The following ABTB3 variants were observed in gnomAD, a reference collection of about 807,000 sequenced individuals.
ABTB3 encodes ankyrin repeat- and BTB/POZ domain-containing protein 3.
the ABTB3 span, among the ~76,000 whole-genome samples, chr12:107,373,323 GGGT>G: frequency 6.6e-6 from 1 of 152,116 alleles, no homozygotes; most frequent in Non-Finnish European, 1.5e-5. Context: ...TGTTTCAGCT[GGGT>G]GGTGCCTGTA....
chr12:107,411,734 G>A, the ABTB3 span, among the ~76,000 whole-genome samples: 83 of 152,222 alleles, frequency 5.5e-4, no homozygotes, highest in East Asian at 8.3e-3. Flanking sequence ...CACTTCCCTC[G>A]TCTTGCAGGA....
chr12:107,573,783 A>C, the ABTB3 span, among the ~76,000 whole-genome samples: 1 of 152,190 alleles, frequency 6.6e-6, no homozygotes, highest in African/African-American at 2.4e-5. Flanking sequence ...GGGAAAAATC[A>C]GTTTTTTTCT....
At chr12:107,379,395 G>A in the ABTB3 span, among the ~76,000 whole-genome samples, 1 of 152,066 alleles carries the variant, frequency 6.6e-6, no homozygotes, top group Non-Finnish European at 1.5e-5. Flanking sequence ...TGCTGTTCTT[G>A]TGATAGAGAA....
the ABTB3 span, among the ~76,000 whole-genome samples, chr12:107,435,563 G>A: frequency 0.023 from 3,525 of 152,348 alleles, 140 homozygotes; most frequent in African/African-American, 0.081. Flanking sequence ...AGTTGGTGCA[G>A]GGCCTGGCAC....
the ABTB3 span, among the ~76,000 whole-genome samples, chr12:107,417,098 A>G: frequency 2.0e-5 from 3 of 152,232 alleles, no homozygotes; most frequent in East Asian, 1.9e-4. Context: ...TTCTTCTTTC[A>G]TATCCTGTTA....
the ABTB3 span, among the ~76,000 whole-genome samples, chr12:107,456,772 C>T: frequency 1.3e-5 from 2 of 152,128 alleles, no homozygotes; most frequent in East Asian, 1.9e-4. Context: ...CAAGGTCACA[C>T]AGCTAGGAGG....
chr12:107,588,003 A>G, the ABTB3 span, among the ~76,000 whole-genome samples: 2 of 152,130 alleles, frequency 1.3e-5, no homozygotes, highest in Non-Finnish European at 2.9e-5. Context: ...CTCCCTCTAA[A>G]GTCAAGGATC....
chr12:107,435,446 A>G, the ABTB3 span, among the ~76,000 whole-genome samples: 1 of 152,218 alleles, frequency 6.6e-6, no homozygotes, highest in Non-Finnish European at 1.5e-5. Context: ...TTTTGAAATG[A>G]TCTTTATTCA....
the ABTB3 span, among the ~76,000 whole-genome samples, chr12:107,343,180 GT>G: frequency 2.8e-4 from 43 of 151,878 alleles, 1 homozygote; most frequent in East Asian, 6.6e-3. Flanking sequence ...ACACCTGGCT[GT>G]TTTTTTGGTT....
chr12:107,648,411 C>CACACACACACACACACAA, the ABTB3 span, among the ~76,000 whole-genome samples: 1 of 150,802 alleles, frequency 6.6e-6, no homozygotes, highest in East Asian at 1.9e-4. Context: ...CACACACACA[C>CACACACACACACACACAA]ACAAAGACAA....
At chr12:107,527,496 T>C in the ABTB3 span, among the ~76,000 whole-genome samples, 3 of 152,172 alleles carry the variant, frequency 2.0e-5, no homozygotes, top group South Asian at 6.2e-4. Flanking sequence ...GATCTCAAAC[T>C]CTTGAGCTCG....
At chr12:107,426,183 G>T in the ABTB3 span, among the ~76,000 whole-genome samples, 1 of 152,278 alleles carries the variant, frequency 6.6e-6, no homozygotes, top group African/African-American at 2.4e-5. Context: ...GCGGTGCCGT[G>T]TCCCTCTTTT....
chr12:107,581,425 G>T, the ABTB3 span: 1 of 789,064 alleles, frequency 1.3e-6, no homozygotes, highest in Non-Finnish European at 1.7e-6. Context: ...CGGCGCTGGG[G>T]TGGAGGCTCC....
the ABTB3 span, among the ~76,000 whole-genome samples, chr12:107,353,558 T>G: frequency 1.3e-5 from 2 of 152,194 alleles, no homozygotes; most frequent in Non-Finnish European, 1.5e-5. Flanking sequence ...ACTTAAAAGG[T>G]TTGCTTAAAG....
chr12:107,495,074 C>T, the ABTB3 span, among the ~76,000 whole-genome samples: 2 of 152,306 alleles, frequency 1.3e-5, no homozygotes, highest in East Asian at 3.9e-4. Flanking sequence ...GGACGCCCAG[C>T]GCCCAAGGAG....
At chr12:107,323,755 G>A in the ABTB3 span, among the ~76,000 whole-genome samples, 1 of 152,132 alleles carries the variant, frequency 6.6e-6, no homozygotes, top group African/African-American at 2.4e-5. Context: ...TTCCTTGTGA[G>A]GGCTTCCTTG....
At chr12:107,485,488 G>T in the ABTB3 span, among the ~76,000 whole-genome samples, 3 of 152,084 alleles carry the variant, frequency 2.0e-5, no homozygotes, top group African/African-American at 7.3e-5. Context: ...TTCTTGAGAT[G>T]GAAGCTTTTT....
chr12:107,642,302 G>A, the ABTB3 span: 28 of 755,544 alleles, frequency 3.7e-5, 1 homozygote, highest in Admixed American at 4.2e-4. Flanking sequence ...CTGAACTCCC[G>A]GCCCCTCCTC....
At chr12:107,383,922 T>C in the ABTB3 span, among the ~76,000 whole-genome samples, 3 of 152,134 alleles carry the variant, frequency 2.0e-5, no homozygotes, top group Admixed American at 2.0e-4. Flanking sequence ...CAGGGAGCTG[T>C]GTAAGATAGA....
Sources: allele counts gnomAD v4.1 joint callset (sites outside exome capture counted in the v4.1 genomes callset), GRCh38; gene constraint gnomAD v4.1.1; transcripts MANE v1.5; gene names NCBI Gene and HGNC (gene_info 2026-07-23, HGNC 2026-07-21).